Variants in SUSD4 observed in about 807,000 individuals in gnomAD.
The protein encoded by SUSD4 is sushi domain containing 4.
A neutral mutation model predicts 50.5 loss-of-function variants in SUSD4; 41 were observed. That is an observed-to-expected ratio of 0.81 (90% CI 0.63 to 1.05). The LOEUF is 1.05. Ranked by LOEUF, SUSD4 falls within the 50% of genes least tolerant of loss-of-function variation. The pLI is 0.00. For synonymous variants in SUSD4, 257 were observed against 257.3 expected, an observed-to-expected ratio of 1.00 and a Z score of 0.01; for missense variants, 580 against 634.7, an observed-to-expected ratio of 0.91 and a Z score of 0.93.
intron 2 of SUSD4, among the ~76,000 whole-genome samples, chr1:223,324,246 A>G (rs1420460002): frequency 6.6e-6 from 1 of 150,470 alleles, no homozygotes; most frequent in Admixed American, 6.7e-5. Context: ...GACAGCTAAC[A>G]GATGGCCATG....
chr1:223,319,860 G>T (rs569740369), intron 2 of SUSD4, among the ~76,000 whole-genome samples: 1 of 152,274 alleles, frequency 6.6e-6, no homozygotes, highest in East Asian at 1.9e-4. Flanking sequence ...CAGAACTATT[G>T]GTAGGAGGGG....
intron 2 of SUSD4, among the ~76,000 whole-genome samples, chr1:223,299,436 G>T (rs532240577): frequency 6.6e-6 from 1 of 152,174 alleles, no homozygotes; most frequent in Non-Finnish European, 1.5e-5. Flanking sequence ...TTTGTTTTTG[G>T]GGGGAGTGGG....
intron 2 of SUSD4, among the ~76,000 whole-genome samples, chr1:223,307,746 G>A (rs539433742): frequency 3.3e-5 from 5 of 152,278 alleles, no homozygotes; most frequent in South Asian, 2.1e-4. Context: ...GGTTATCCAC[G>A]GTGCTGGTGA....
intron 5 of SUSD4, among the ~76,000 whole-genome samples, chr1:223,248,737 C>T (rs1190867050): frequency 6.6e-6 from 1 of 152,212 alleles, no homozygotes; most frequent in African/African-American, 2.4e-5. Context: ...ATCAATAGTA[C>T]CCAGCAGCGC....
chr1:223,289,198 G>T (rs1664328619), intron 3 of SUSD4: 1 of 985,394 alleles, frequency 1.0e-6, no homozygotes, highest in East Asian at 1.1e-4. Flanking sequence ...CCACCATATA[G>T]GTCACCTCCT....
chr1:223,313,948 G>T (rs972764403), intron 2 of SUSD4, among the ~76,000 whole-genome samples: 2 of 152,008 alleles, frequency 1.3e-5, no homozygotes, highest in Non-Finnish European at 2.9e-5. Flanking sequence ...CCCCTTCCCG[G>T]GAAAACTCAC....
Position 223,321,979 on chromosome 1 carries a change from C to T in SUSD4, c.149-29328G>A, listed in dbSNP as rs77521866. On this transcript the variant is annotated intron_variant, in intron 2 of 8. Coordinates refer to ENST00000366878, the MANE Select transcript of SUSD4 (RefSeq NM_017982.4). ...TTTGGAATATTTACAGTATAGTTACCGATTGAGCATCCCAAATCCCAAAAT... is the reference window on the plus strand; with the variant it reads ...TTTGGAATATTTACAGTATAGTTACTGATTGAGCATCCCAAATCCCAAAAT... 7.1e-3 allele frequency among the ~76,000 whole-genome samples: 1,083 copies of T among 152,232 alleles called. 67 individuals are homozygous for T. The East Asian group carries it at 0.16, about 23-fold the overall frequency.
chr1:223,333,907 A>G (rs966483840), intron 2 of SUSD4, among the ~76,000 whole-genome samples: 1 of 152,160 alleles, frequency 6.6e-6, no homozygotes, highest in Admixed American at 6.5e-5. Context: ...GAAAAGCCCT[A>G]TAGATGTGGA....
chr1:223,254,378 TA>T (rs202136091), intron 5 of SUSD4, among the ~76,000 whole-genome samples: 2 of 150,894 alleles, frequency 1.3e-5, no homozygotes, highest in Non-Finnish European at 3.0e-5. Context: ...TACACGGGAT[TA>T]AAAAAAAAGA....
At chr1:223,290,699 A>AG (rs1558219858) in intron 3 of SUSD4, among the ~76,000 whole-genome samples, 1 of 152,158 alleles carries the variant, frequency 6.6e-6, no homozygotes. Context: ...GAAAAAAAAA[A>AG]GAATGACACA....
At chr1:223,235,114 G>A (rs1311900161) in intron 5 of SUSD4, 1 of 1,585,972 alleles carries the variant, frequency 6.3e-7, no homozygotes, top group South Asian at 1.2e-5. Flanking sequence ...AAAAAAAGAA[G>A]TGTAAATATG....
chr1:223,357,454 T>C (rs1432880186), intron 2 of SUSD4, among the ~76,000 whole-genome samples: 5 of 152,242 alleles, frequency 3.3e-5, no homozygotes, highest in African/African-American at 4.8e-5. Flanking sequence ...ATTAAAAGAA[T>C]AATCTGGGTC....
At chr1:223,225,691 C>G (rs889826641) in intron 7 of SUSD4, among the ~76,000 whole-genome samples, 1 of 152,196 alleles carries the variant, frequency 6.6e-6, no homozygotes, top group South Asian at 2.1e-4. Flanking sequence ...CCATCCCTGG[C>G]ACCTCCATGT....
chr1:223,312,314 G>C (rs768323463), intron 2 of SUSD4, among the ~76,000 whole-genome samples: 1 of 152,146 alleles, frequency 6.6e-6, no homozygotes, highest in Non-Finnish European at 1.5e-5. Context: ...AAATAGGACA[G>C]GCTGGGAACT....
intron 2 of SUSD4, among the ~76,000 whole-genome samples, chr1:223,298,579 G>A (rs745530014): frequency 3.9e-5 from 6 of 152,054 alleles, no homozygotes; most frequent in African/African-American, 7.2e-5. Flanking sequence ...CAAACAAGGC[G>A]TGCTGAAAGC....
chr1:223,321,385 A>G (rs1318907330), intron 2 of SUSD4, among the ~76,000 whole-genome samples: 1 of 152,222 alleles, frequency 6.6e-6, no homozygotes, highest in Non-Finnish European at 1.5e-5. Flanking sequence ...AAATGGAGAT[A>G]ATAAAGCACT....
At chr1:223,352,372 G>A (rs1328686151) in intron 2 of SUSD4, among the ~76,000 whole-genome samples, 2 of 152,154 alleles carry the variant, frequency 1.3e-5, no homozygotes, top group African/African-American at 4.8e-5. Flanking sequence ...AGCCACTCTC[G>A]AGGGGATAGA....
chr1:223,283,787 T>A (rs1663934959), intron 3 of SUSD4, among the ~76,000 whole-genome samples: 1 of 152,188 alleles, frequency 6.6e-6, no homozygotes, highest in African/African-American at 2.4e-5. Flanking sequence ...CACAGGTATG[T>A]TTATTGCAGC....
intron 2 of SUSD4, among the ~76,000 whole-genome samples, chr1:223,301,480 C>T (rs2103180924): frequency 6.6e-6 from 1 of 152,290 alleles, no homozygotes; most frequent in East Asian, 1.9e-4. Context: ...GACTGGAGTA[C>T]ACATTGCCCT....
Sources: gnomAD v4.1 joint callset for allele counts (sites outside exome capture counted in the v4.1 genomes callset) on GRCh38, gnomAD v4.1.1 for gene constraint, MANE v1.5 for transcripts, NCBI Gene and HGNC (gene_info 2026-07-23, HGNC 2026-07-21) for gene names.